Variants in APP observed in about 807,000 individuals in gnomAD.
APP encodes amyloid beta precursor protein.
Under a neutral mutation model 101.4 loss-of-function variants are expected in APP, and 31 were observed. That is an observed-to-expected ratio of 0.31 (90% CI 0.23 to 0.41). The LOEUF (loss-of-function observed/expected upper bound fraction) is 0.41, where lower values mean the gene tolerates loss of function less well. Among genes scored for constraint, APP ranks in the 10% least tolerant of loss-of-function variants. APP has a pLI of 1.00. For synonymous variants in APP, 366 were observed against 364.4 expected (o/e 1.00, Z -0.05); for missense variants, 839 against 1,003.7 (o/e 0.84, Z 2.22).
intron 11 of APP, among the ~76,000 whole-genome samples, chr21:25,969,057 C>T (rs183423776): frequency 6.6e-6 from 1 of 152,032 alleles, no homozygotes. Context: ...TATAAAAGTC[C>T]TCAAGAAGGC....
chr21:26,025,467 C>G (rs565761352), intron 5 of APP, among the ~76,000 whole-genome samples: 1 of 152,254 alleles, frequency 6.6e-6, no homozygotes, highest in South Asian at 2.1e-4. Context: ...TGACGATGTC[C>G]AAGTGTACCA....
At chr21:25,998,345 A>G (rs896442566) in intron 7 of APP, among the ~76,000 whole-genome samples, 1 of 150,988 alleles carries the variant, frequency 6.6e-6, no homozygotes, top group African/African-American at 2.5e-5. Context: ...AAACTGAAGA[A>G]GGGAGTCCTT....
chr21:26,113,857 T>C (rs978738851), intron 1 of APP, among the ~76,000 whole-genome samples: 4 of 152,164 alleles, frequency 2.6e-5, no homozygotes, highest in Admixed American at 6.5e-5. Flanking sequence ...CTTACTGAAA[T>C]AAGTAGTATA....
intron 3 of APP, among the ~76,000 whole-genome samples, chr21:26,088,478 T>C (rs1209095679): frequency 1.3e-5 from 2 of 152,210 alleles, no homozygotes; most frequent in African/African-American, 4.8e-5. Flanking sequence ...GAATACTTCA[T>C]AGAACAGGTA....
intron 8 of APP, among the ~76,000 whole-genome samples, chr21:25,988,159 G>A (rs761188965): frequency 2.0e-5 from 3 of 152,188 alleles, no homozygotes; most frequent in South Asian, 4.2e-4. Context: ...AAACTAGCAC[G>A]GAAGCCCTAA....
At chr21:26,094,681 T>G (rs2061901867) in intron 2 of APP, among the ~76,000 whole-genome samples, 1 of 150,746 alleles carries the variant, frequency 6.6e-6, no homozygotes, top group Admixed American at 6.6e-5. Context: ...GAATAAAAAT[T>G]TCATCAGAAA....
intron 8 of APP, among the ~76,000 whole-genome samples, chr21:25,982,745 C>T (rs189241804): frequency 4.4e-4 from 67 of 152,220 alleles, no homozygotes; most frequent in African/African-American, 1.3e-3. Context: ...GAGTTCTTTA[C>T]GAAACAAGCA....
intron 13 of APP, among the ~76,000 whole-genome samples, chr21:25,920,989 C>T (rs2039606312): frequency 1.4e-5 from 2 of 146,948 alleles, no homozygotes; most frequent in Non-Finnish European, 3.0e-5. Context: ...TAAAACTCTC[C>T]TCAGCAAATG....
At chr21:26,053,008 G>A (rs1049717050) in intron 4 of APP, among the ~76,000 whole-genome samples, 6 of 152,242 alleles carry the variant, frequency 3.9e-5, no homozygotes, top group Middle Eastern at 3.4e-3. Context: ...GGGAGGCTGC[G>A]CATGTGTGGG....
intron 8 of APP, among the ~76,000 whole-genome samples, chr21:25,989,424 T>C (rs959785645): frequency 5.3e-5 from 8 of 152,224 alleles, no homozygotes; most frequent in Non-Finnish European, 4.4e-5. Flanking sequence ...CATTTTGATA[T>C]GCATTTGTTT....
At chr21:26,022,835 A>G (rs192980978) in intron 5 of APP, among the ~76,000 whole-genome samples, 2 of 150,372 alleles carry the variant, frequency 1.3e-5, no homozygotes, top group Non-Finnish European at 3.0e-5. Flanking sequence ...AACTGGACAC[A>G]CAGGTGGAAG....
chr21:25,932,910 C>T (rs935638494), intron 13 of APP, among the ~76,000 whole-genome samples: 1 of 152,088 alleles, frequency 6.6e-6, no homozygotes, highest in Non-Finnish European at 1.5e-5. Context: ...ATGAATGTAC[C>T]TCAAAAGTCA....
At chr21:26,102,082 GTTTTTTTTTTTT>G (rs35680514) in intron 2 of APP, among the ~76,000 whole-genome samples, 1 of 101,158 alleles carries the variant, frequency 9.9e-6, no homozygotes, top group African/African-American at 3.9e-5. Flanking sequence ...AAACTATGTG[GTTTTTTTTTTTT>G]TTTTTTTTTT....
At chr21:25,986,077 A>G (rs1018593485) in intron 8 of APP, among the ~76,000 whole-genome samples, 1 of 152,222 alleles carries the variant, frequency 6.6e-6, no homozygotes, top group African/African-American at 2.4e-5. Flanking sequence ...AAGAGATTAA[A>G]TTCATAGGAC....
At chr21:25,900,023 AT>A in intron 15 of APP, among the ~76,000 whole-genome samples, 1 of 152,010 alleles carries the variant, frequency 6.6e-6, no homozygotes, top group Middle Eastern at 3.4e-3. Flanking sequence ...ATTCTTATTT[AT>A]TTTCTTACTT....
chr21:26,100,249 A>G (rs1390557511), intron 2 of APP, among the ~76,000 whole-genome samples: 2 of 152,218 alleles, frequency 1.3e-5, no homozygotes, highest in Non-Finnish European at 1.5e-5. Context: ...ACGGTCAGTA[A>G]AGCAATCCTT....
chr21:26,048,043 A>G lies in APP; in HGVS notation c.662+2957T>C, dbSNP rs146929903. 3.2e-3 allele frequency among the ~76,000 whole-genome samples: 482 copies of G among 152,242 alleles called. 6 individuals are homozygous for G. Among genetic ancestry groups the G allele is most frequent in the African/African-American group, 0.011 (465 of 41,546 alleles). ...AGAAAATGAAAAAGTAAGGCCAGGC[A>G]CGGTGGCTCAAGCCTGTAATCCCAG... On this transcript the variant is annotated intron_variant, in intron 5 of 17. Coordinates refer to ENST00000346798, the MANE Select transcript of APP (RefSeq NM_000484.4).
At chr21:25,890,641 A>G (rs1002478792) in intron 17 of APP, among the ~76,000 whole-genome samples, 2 of 151,612 alleles carry the variant, frequency 1.3e-5, no homozygotes, top group Non-Finnish European at 2.9e-5. Flanking sequence ...CAGGAAGCTG[A>G]GACAAGAGAA....
intron 11 of APP, among the ~76,000 whole-genome samples, chr21:25,962,762 AT>A (rs2041634864): frequency 6.6e-6 from 1 of 152,180 alleles, no homozygotes; most frequent in Non-Finnish European, 1.5e-5. Flanking sequence ...TTGATGTCAA[AT>A]TGATGTAGGT....
Sources: allele counts gnomAD v4.1 joint callset (sites outside exome capture counted in the v4.1 genomes callset), GRCh38; gene constraint gnomAD v4.1.1; transcripts MANE v1.5; gene names NCBI Gene and HGNC (gene_info 2026-07-23, HGNC 2026-07-21).